BMPR2: variants seen among roughly 807,000 people sequenced by gnomAD.
BMPR2 encodes the protein bone morphogenetic protein receptor type-2.
Under a neutral mutation model 100.8 loss-of-function variants are expected in BMPR2, and 29 were observed. That is an observed-to-expected ratio of 0.29 (90% CI 0.21 to 0.39). BMPR2 has a LOEUF of 0.39. Among genes scored for constraint, BMPR2 ranks in the 10% least tolerant of loss-of-function variants. The pLI is 1.00. For missense variants in BMPR2, 1,011 were observed against 1,274.5 expected (o/e 0.79, Z 3.15); for synonymous variants, 382 against 442.3 (o/e 0.86, Z 1.71).
At chr2:202,388,611 C>T (rs944787626) in intron 1 of BMPR2, among the ~76,000 whole-genome samples, 2 of 151,134 alleles carry the variant, frequency 1.3e-5, no homozygotes, top group Non-Finnish European at 2.9e-5. Context: ...GGTGAAACCC[C>T]GTCTCTACAA....
At chr2:202,514,378 C>T (rs1346704524) in intron 4 of BMPR2, among the ~76,000 whole-genome samples, 3 of 152,150 alleles carry the variant, frequency 2.0e-5, no homozygotes, top group Admixed American at 6.5e-5. Context: ...CCTCGTGATC[C>T]GCCCGCCTTG....
chr2:202,508,814 G>T (rs1310530125), intron 3 of BMPR2, among the ~76,000 whole-genome samples: 17 of 152,198 alleles, frequency 1.1e-4, no homozygotes, highest in Admixed American at 1.0e-3. Context: ...GCATGATCAA[G>T]AAAGCATCTG....
intron 1 of BMPR2, among the ~76,000 whole-genome samples, chr2:202,424,493 C>T (rs1234889026): frequency 2.7e-5 from 4 of 150,288 alleles, no homozygotes; most frequent in South Asian, 4.2e-4. Context: ...GCCAGGAGTT[C>T]GAGACCAGCC....
intron 1 of BMPR2, among the ~76,000 whole-genome samples, chr2:202,450,170 C>G (rs187897118): frequency 2.6e-5 from 4 of 152,224 alleles, no homozygotes; most frequent in African/African-American, 9.6e-5. Context: ...CGACTTTGTG[C>G]TGAATTCTGT....
chr2:202,492,770 T>G (rs1574476123), intron 3 of BMPR2, among the ~76,000 whole-genome samples: 1 of 135,604 alleles, frequency 7.4e-6, no homozygotes, highest in African/African-American at 2.8e-5. Context: ...GTGGGAAAGC[T>G]AGAGCAAGGG....
intron 3 of BMPR2, among the ~76,000 whole-genome samples, chr2:202,502,590 T>C (rs554415401): frequency 6.6e-6 from 1 of 152,334 alleles, no homozygotes; most frequent in African/African-American, 2.4e-5. Flanking sequence ...TCAACCCGTA[T>C]CTACCTCTCA....
chr2:202,535,311 G>A (rs1166601598), intron 9 of BMPR2, among the ~76,000 whole-genome samples: 2 of 150,302 alleles, frequency 1.3e-5, no homozygotes, highest in Non-Finnish European at 3.0e-5. Flanking sequence ...GGGCGGAGGG[G>A]CTCCTCACTT....
rs1247195732 is a variant in BMPR2 at position 202,436,297 on chromosome 2, T to G, written c.77-28512T>G. On this transcript the variant is annotated intron_variant, in intron 1 of 12. Coordinates refer to ENST00000374580, the MANE Select transcript of BMPR2 (RefSeq NM_001204.7). ...GTGAAACCCCGTCTCTACAAAAAAA[T>G]TAGTTGGGCATGATAGCCTGCGCCT... is the stretch of plus-strand genomic sequence containing the variant. Among the ~76,000 whole-genome samples the G allele has an allele frequency of 4.0e-5, 6 of 149,964 alleles. 1 individual carries two copies. Among genetic ancestry groups the G allele is most frequent in the African/African-American group, 1.3e-4 (5 of 39,534 alleles).
At chr2:202,559,049 C>T (rs977312599) in intron 12 of BMPR2, among the ~76,000 whole-genome samples, 6 of 151,984 alleles carry the variant, frequency 3.9e-5, no homozygotes, top group African/African-American at 1.5e-4. Flanking sequence ...CCTGTAATCC[C>T]AGCACTTAGG....
At chr2:202,534,784 C>T (rs1688098373) in intron 9 of BMPR2, among the ~76,000 whole-genome samples, 1 of 152,138 alleles carries the variant, frequency 6.6e-6, no homozygotes, top group African/African-American at 2.4e-5. Flanking sequence ...GGCACACCTC[C>T]CAGACGGGGT....
chr2:202,394,721 T>G (rs1354797183), intron 1 of BMPR2, among the ~76,000 whole-genome samples: 3 of 152,096 alleles, frequency 2.0e-5, no homozygotes, highest in Non-Finnish European at 4.4e-5. Context: ...TTTAACCTGA[T>G]TCTTATATCA....
chr2:202,450,125 G>GAAC (rs1159021979), intron 1 of BMPR2, among the ~76,000 whole-genome samples: 1 of 151,794 alleles, frequency 6.6e-6, no homozygotes, highest in Non-Finnish European at 1.5e-5. Flanking sequence ...ACAACAACAA[G>GAAC]AACAACAACA....
chr2:202,517,335 C>CT (rs527237940), intron 5 of BMPR2, among the ~76,000 whole-genome samples: 22,744 of 135,374 alleles, frequency 0.17, 2,155 homozygotes, highest in Middle Eastern at 0.24. Context: ...GTTATTTTAT[C>CT]TTTTTTTTTT....
rs138151947 is a variant in BMPR2, at chr2:202,379,228, G to A, written c.76+1678G>A. ...CTAGTATTTATTAAGTGCCTGCCAT[G>A]CACCATCAGCTATTCAAATAACTTT... On this transcript the variant is annotated intron_variant, in intron 1 of 12. Transcript: ENST00000374580. Among the ~76,000 whole-genome samples, 516 of 152,232 alleles carry A rather than the reference G, an allele frequency of 3.4e-3. 2 individuals are homozygous for A. Among genetic ancestry groups the A allele is most frequent in the Non-Finnish European group, 5.6e-3 (379 of 68,008 alleles).
At chr2:202,490,514 T>C (rs1248133646) in intron 3 of BMPR2, among the ~76,000 whole-genome samples, 1 of 152,240 alleles carries the variant, frequency 6.6e-6, no homozygotes, top group Non-Finnish European at 1.5e-5. Flanking sequence ...ATCCAAAATG[T>C]ACCCACAATG....
Position 202,461,107 on chromosome 2 carries a change from G to A in BMPR2, c.77-3702G>A, listed in dbSNP as rs537299454. Among the ~76,000 whole-genome samples, 16 of 152,196 alleles carry A rather than the reference G, an allele frequency of 1.1e-4. No homozygotes were observed. The East Asian group carries it at 3.1e-3, about 29-fold the overall frequency. On this transcript the variant is annotated intron_variant, in intron 1 of 12. Coordinates refer to ENST00000374580, the MANE Select transcript of BMPR2 (RefSeq NM_001204.7). ...AGTCCTTCTGCCTCAGCCTCCCAAA[G>A]TGTTGGGATTACAGGCACAAGACGC...
intron 1 of BMPR2, among the ~76,000 whole-genome samples, chr2:202,444,427 G>T (rs1691810064): frequency 6.7e-6 from 1 of 150,364 alleles, no homozygotes; most frequent in African/African-American, 2.5e-5. Flanking sequence ...GAGAGATGAA[G>T]TGTTAAAGAT....
At chr2:202,473,908 C>T (rs563661048) in intron 3 of BMPR2, among the ~76,000 whole-genome samples, 21 of 151,964 alleles carry the variant, frequency 1.4e-4, no homozygotes, top group Middle Eastern at 3.4e-3. Flanking sequence ...AGTTCAAGAT[C>T]AGCTTGGCCA....
In BMPR2 at chr2:202,515,452, TC is replaced by T. The variant is rs574183400; in HGVS notation, c.621+476del. On this transcript the variant is annotated intron_variant, in intron 5 of 12. Transcript: ENST00000374580. ...CAGGCATGGTGGTTCATGCCTGTAA[TC>T]CCAGCTACTCAGGAGGCTGAGGCAG... Among the ~76,000 whole-genome samples, 451 of 151,004 alleles carry T rather than the reference TC, an allele frequency of 3.0e-3. 2 individuals are homozygous for T. The highest frequency in any genetic ancestry group is 0.011 in the African/African-American group (437 of 40,992).
Sources: gnomAD v4.1 joint callset for allele counts (sites outside exome capture counted in the v4.1 genomes callset) on GRCh38, gnomAD v4.1.1 for gene constraint, MANE v1.5 for transcripts, NCBI Gene and HGNC (gene_info 2026-07-23, HGNC 2026-07-21) for gene names.